The following TMCC1 variants were observed in gnomAD, a reference collection of about 807,000 sequenced individuals.
The protein encoded by TMCC1 is transmembrane and coiled-coil domain family 1.
Under a neutral mutation model 52.4 loss-of-function variants are expected in TMCC1, and 15 were observed. The observed-to-expected ratio is 0.29, with a 90% CI of 0.19 to 0.44. The LOEUF (loss-of-function observed/expected upper bound fraction) is 0.44, where lower values mean the gene tolerates loss of function less well. TMCC1 is among the 20% of genes least tolerant of loss of function. TMCC1 has a pLI of 1.00. For synonymous variants in TMCC1, 279 were observed against 301.9 expected (o/e 0.92, Z 0.79); for missense variants, 503 against 806.0 (o/e 0.62, Z 4.55).
At chr3:129,843,096 C>CA (rs1418894418) in intron 2 of TMCC1, among the ~76,000 whole-genome samples, 1 of 152,136 alleles carries the variant, frequency 6.6e-6, no homozygotes, top group Non-Finnish European at 1.5e-5. Context: ...CCTATAATCC[C>CA]AGCACTTTGG....
At chr3:129,852,456 CAAAAAAAAAA>C (rs1015860543) in intron 2 of TMCC1, among the ~76,000 whole-genome samples, 2 of 39,826 alleles carry the variant, frequency 5.0e-5, no homozygotes, top group South Asian at 1.1e-3. Flanking sequence ...GACACCGTCT[CAAAAAAAAAA>C]AAAAAAAAAA....
chr3:129,674,337 G>C (rs1437017830), intron 4 of TMCC1, among the ~76,000 whole-genome samples: 2 of 152,162 alleles, frequency 1.3e-5, no homozygotes, highest in Non-Finnish European at 2.9e-5. Flanking sequence ...GCCTGCAAGA[G>C]TATAGCTGAT....
intron 4 of TMCC1, among the ~76,000 whole-genome samples, chr3:129,753,706 C>T (rs182812234): frequency 1.8e-3 from 270 of 152,140 alleles, no homozygotes; most frequent in African/African-American, 6.0e-3. Flanking sequence ...CTTAAACTAA[C>T]GAAGGGTATC....
At chr3:129,688,853 T>A in intron 4 of TMCC1, 1 of 533,784 alleles carries the variant, frequency 1.9e-6, no homozygotes. Flanking sequence ...TACAGGGTAT[T>A]AATTCAACAT....
At chr3:129,739,079 A>C (rs913390612) in intron 4 of TMCC1, among the ~76,000 whole-genome samples, 3 of 152,222 alleles carry the variant, frequency 2.0e-5, no homozygotes, top group Non-Finnish European at 1.5e-5. Context: ...GGTCTCCCAA[A>C]CTGCTGGGAT....
At chr3:129,885,202 AAAC>A (rs1577223808) in intron 1 of TMCC1, among the ~76,000 whole-genome samples, 1 of 152,212 alleles carries the variant, frequency 6.6e-6, no homozygotes, top group South Asian at 2.1e-4. Context: ...GAAATCTGAA[AAAC>A]AACAATAGGT....
intron 2 of TMCC1, among the ~76,000 whole-genome samples, chr3:129,865,726 G>A (rs2060593345): frequency 6.6e-6 from 1 of 152,078 alleles, no homozygotes. Flanking sequence ...TGTTTCAGAA[G>A]TAAAAAAGAA....
rs539397585 is a variant in TMCC1 at position 129,845,861 on chromosome 3, G to A, written c.-183-13035C>T. On this transcript the variant is annotated intron_variant, in intron 2 of 6. Transcript: ENST00000393238. ...AGTCTGGGCAACACAGGGAGACCCT[G>A]TCTCTACAAAAAAAAATTTTTAAGT... Among the ~76,000 whole-genome samples, 98 of 152,012 alleles carry A rather than the reference G, an allele frequency of 6.4e-4. 3 individuals carry two copies. The South Asian group carries it at 0.02, about 31-fold the overall frequency.
At chr3:129,695,875 C>A (rs901707024) in intron 4 of TMCC1, among the ~76,000 whole-genome samples, 1 of 152,192 alleles carries the variant, frequency 6.6e-6, no homozygotes, top group Non-Finnish European at 1.5e-5. Flanking sequence ...GCCCTACAAA[C>A]CATAAATTCT....
chr3:129,837,420 C>A (rs893423509), intron 2 of TMCC1, among the ~76,000 whole-genome samples: 1 of 152,092 alleles, frequency 6.6e-6, no homozygotes, highest in African/African-American at 2.4e-5. Context: ...AAATTTGAAG[C>A]CTCTAGTTCC....
intron 4 of TMCC1, among the ~76,000 whole-genome samples, chr3:129,755,202 A>AG (rs762232462): frequency 8.5e-5 from 13 of 152,200 alleles, no homozygotes; most frequent in Non-Finnish European, 1.6e-4. Flanking sequence ...TAGAAGATAG[A>AG]GGGGGGAGGG....
intron 4 of TMCC1, among the ~76,000 whole-genome samples, chr3:129,826,739 G>C (rs2058678373): frequency 6.6e-6 from 1 of 151,094 alleles, no homozygotes; most frequent in Non-Finnish European, 1.5e-5. Context: ...AAAAGTTTAA[G>C]GTACTAGACT....
chr3:129,738,290 A>G (rs2051154409), intron 4 of TMCC1, among the ~76,000 whole-genome samples: 1 of 149,062 alleles, frequency 6.7e-6, no homozygotes, highest in African/African-American at 2.5e-5. Flanking sequence ...AAAAAAAAAA[A>G]GAGAAGAAGA....
intron 4 of TMCC1, among the ~76,000 whole-genome samples, chr3:129,787,637 T>C (rs1006775807): frequency 1.3e-5 from 2 of 152,174 alleles, no homozygotes; most frequent in Non-Finnish European, 2.9e-5. Context: ...CAATTTGGCA[T>C]AATGAGTAAA....
intron 4 of TMCC1, among the ~76,000 whole-genome samples, chr3:129,758,302 T>C (rs985847463): frequency 1.2e-4 from 18 of 152,320 alleles, no homozygotes; most frequent in Middle Eastern, 6.8e-3. Flanking sequence ...TAGATTACAG[T>C]TGGAGACATC....
chr3:129,709,493 A>AG (rs2048490869), intron 4 of TMCC1, among the ~76,000 whole-genome samples: 1 of 68,420 alleles, frequency 1.5e-5, no homozygotes, highest in African/African-American at 5.4e-5. Flanking sequence ...AAAAAAAAAA[A>AG]AAAAAGAGAG....
chr3:129,808,175 C>T (rs2057574212), intron 4 of TMCC1, among the ~76,000 whole-genome samples: 1 of 151,836 alleles, frequency 6.6e-6, no homozygotes, highest in Non-Finnish European at 1.5e-5. Context: ...GAGCAAGACC[C>T]TGTCTAAAAA....
intron 4 of TMCC1, among the ~76,000 whole-genome samples, chr3:129,699,149 G>A (rs1012771039): frequency 6.6e-6 from 1 of 152,120 alleles, no homozygotes; most frequent in African/African-American, 2.4e-5. Context: ...AGAGGCTTTT[G>A]AATAGGGGCT....
At chr3:129,775,825 T>C (rs929414576) in intron 4 of TMCC1, among the ~76,000 whole-genome samples, 1 of 152,206 alleles carries the variant, frequency 6.6e-6, no homozygotes, top group African/African-American at 2.4e-5. Context: ...ATGTGCTCCA[T>C]ACTGTAGCCA....
Sources: allele counts gnomAD v4.1 joint callset (sites outside exome capture counted in the v4.1 genomes callset), GRCh38; gene constraint gnomAD v4.1.1; transcripts MANE v1.5; gene names NCBI Gene and HGNC (gene_info 2026-07-23, HGNC 2026-07-21).